GPC6: variants seen among roughly 807,000 people sequenced by gnomAD.
GPC6 encodes the protein glypican 6.
A neutral mutation model predicts 55.2 loss-of-function variants in GPC6; 14 were observed. The ratio of observed to expected loss-of-function variants is 0.25; its 90% CI spans 0.17 to 0.40. GPC6 has a LOEUF of 0.40. Ranked by LOEUF, GPC6 falls within the 10% of genes least tolerant of loss-of-function variation. GPC6 has a pLI of 1.00. For synonymous variants in GPC6, 278 were observed against 259.6 expected (o/e 1.07, Z -0.68); for missense variants, 641 against 708.5 (o/e 0.90, Z 1.08).
intron 4 of GPC6, among the ~76,000 whole-genome samples, chr13:94,097,465 C>CCACT: frequency 6.7e-6 from 1 of 148,192 alleles, no homozygotes; most frequent in Non-Finnish European, 1.5e-5. Context: ...GGAGATCGCG[C>CCACT]CACTGCGCTC....
chr13:93,541,191 A>T, intron 1 of GPC6, among the ~76,000 whole-genome samples: 1 of 110,574 alleles, frequency 9.0e-6, no homozygotes, highest in Admixed American at 1.1e-4. Flanking sequence ...CCACCCCACA[A>T]CAGTCCCCAG....
the GPC6 span, among the ~76,000 whole-genome samples, chr13:93,216,622 A>G: frequency 6.6e-6 from 1 of 152,174 alleles, no homozygotes; most frequent in South Asian, 2.1e-4. Flanking sequence ...GACTGGACAA[A>G]AATCCACTTC....
At chr13:94,153,915 T>C (rs1401246769) in intron 4 of GPC6, among the ~76,000 whole-genome samples, 2 of 152,164 alleles carry the variant, frequency 1.3e-5, no homozygotes, top group East Asian at 1.9e-4. Flanking sequence ...CAACTCAGAA[T>C]TGTGCAAATA....
intron 3 of GPC6, among the ~76,000 whole-genome samples, chr13:94,024,467 T>C (rs1406010703): frequency 6.6e-6 from 1 of 152,168 alleles, no homozygotes; most frequent in Non-Finnish European, 1.5e-5. Context: ...GTGATGATTT[T>C]TATTTTAATT....
At chr13:93,757,998 T>C (rs1884833852) in intron 2 of GPC6, among the ~76,000 whole-genome samples, 1 of 152,174 alleles carries the variant, frequency 6.6e-6, no homozygotes, top group South Asian at 2.1e-4. Flanking sequence ...CAGTCACTGT[T>C]CCTGTAAGCA....
intron 3 of GPC6, among the ~76,000 whole-genome samples, chr13:93,908,551 C>T (rs952223979): frequency 1.3e-5 from 2 of 152,184 alleles, no homozygotes; most frequent in Non-Finnish European, 2.9e-5. Flanking sequence ...AGTAATACAA[C>T]AATGATGATG....
intron 4 of GPC6, among the ~76,000 whole-genome samples, chr13:94,281,031 G>GCAGC (rs1392602738): frequency 6.6e-6 from 1 of 152,020 alleles, no homozygotes; most frequent in African/African-American, 2.4e-5. Context: ...CTCCATGAAG[G>GCAGC]CAGCACCATG....
chr13:93,434,932 C>G (rs1877512262), intron 1 of GPC6, among the ~76,000 whole-genome samples: 1 of 152,066 alleles, frequency 6.6e-6, no homozygotes. Flanking sequence ...GTCTCGATCT[C>G]TTAACCTGGT....
chr13:93,730,451 G>T (rs1883782863), intron 2 of GPC6, among the ~76,000 whole-genome samples: 1 of 152,090 alleles, frequency 6.6e-6, no homozygotes, highest in African/African-American at 2.4e-5. Flanking sequence ...CTGTTTCATT[G>T]CATATTAGTT....
intron 2 of GPC6, among the ~76,000 whole-genome samples, chr13:93,827,679 G>A (rs1887314852): frequency 6.6e-6 from 1 of 152,152 alleles, no homozygotes; most frequent in Non-Finnish European, 1.5e-5. Flanking sequence ...CATACTCTTA[G>A]ACAACAATGT....
At chr13:93,974,833 AT>A (rs760288480) in intron 3 of GPC6, among the ~76,000 whole-genome samples, 4 of 152,064 alleles carry the variant, frequency 2.6e-5, no homozygotes, top group African/African-American at 4.8e-5. Flanking sequence ...ATTCACATGC[AT>A]TTTTCTCCTT....
intron 4 of GPC6, among the ~76,000 whole-genome samples, chr13:94,042,710 A>T (rs1223844711): frequency 6.6e-6 from 1 of 151,820 alleles, no homozygotes; most frequent in Non-Finnish European, 1.5e-5. Context: ...TATGTTTTTT[A>T]GGGAAAGTAT....
intron 4 of GPC6, among the ~76,000 whole-genome samples, chr13:94,031,110 A>ATGTG (rs148462602): frequency 5.9e-4 from 87 of 148,018 alleles, no homozygotes; most frequent in South Asian, 1.1e-3. Flanking sequence ...GTGTGCGTGC[A>ATGTG]TGTGTGTGTG....
chr13:94,011,764 A>C (rs1178882317), intron 3 of GPC6, among the ~76,000 whole-genome samples: 3 of 152,166 alleles, frequency 2.0e-5, no homozygotes, highest in Non-Finnish European at 4.4e-5. Context: ...TCAGTTCTGC[A>C]CTAGCTCTGT....
At chr13:93,500,066 C>A (rs913129051) in intron 1 of GPC6, among the ~76,000 whole-genome samples, 1 of 152,142 alleles carries the variant, frequency 6.6e-6, no homozygotes. Context: ...GCTTGTCATT[C>A]CCTCTGTTTC....
upstream of GPC6, among the ~76,000 whole-genome samples, chr13:93,225,051 A>T (rs951675510): frequency 6.6e-6 from 1 of 152,204 alleles, no homozygotes; most frequent in Admixed American, 6.5e-5. Context: ...ATAATTTAAA[A>T]CCACATATAC....
chr13:93,243,283 A>G (rs2139018087), intron 1 of GPC6, among the ~76,000 whole-genome samples: 1 of 152,242 alleles, frequency 6.6e-6, no homozygotes, highest in Non-Finnish European at 1.5e-5. Flanking sequence ...CTTCCAATGA[A>G]CTTTCCAATG....
At chr13:93,503,814 G>A (rs1880610139) in intron 1 of GPC6, among the ~76,000 whole-genome samples, 1 of 152,138 alleles carries the variant, frequency 6.6e-6, no homozygotes, top group Non-Finnish European at 1.5e-5. Context: ...TAAGTATAAT[G>A]TTTTAAAATA....
intron 2 of GPC6, among the ~76,000 whole-genome samples, chr13:93,828,112 C>A (rs1157488041): frequency 6.6e-6 from 1 of 151,714 alleles, no homozygotes; most frequent in Non-Finnish European, 1.5e-5. Context: ...ATAAATTAAG[C>A]TTTAATTCCT....
Sources: allele counts gnomAD v4.1 joint callset (sites outside exome capture counted in the v4.1 genomes callset), GRCh38; gene constraint gnomAD v4.1.1; transcripts MANE v1.5; gene names NCBI Gene and HGNC (gene_info 2026-07-23, HGNC 2026-07-21).